MED13L: variants seen among roughly 807,000 people sequenced by gnomAD.
MED13L encodes mediator of RNA polymerase II transcription subunit 13-like.
In MED13L, 7 loss-of-function variants were observed where a neutral mutation model predicts 220.9. The observed-to-expected ratio is 0.03, with a 90% CI of 0.02 to 0.06. The LOEUF (loss-of-function observed/expected upper bound fraction) is 0.06, where lower values mean the gene tolerates loss of function less well. Among genes scored for constraint, MED13L ranks in the 10% least tolerant of loss-of-function variants. The probability of loss-of-function intolerance (pLI) is 1.00; values close to 1 mark genes in which losing one functional copy is unlikely to be tolerated. For missense variants in MED13L, 1,965 were observed against 2,760.5 expected, an observed-to-expected ratio of 0.71 and a Z score of 6.46; for synonymous variants, 1,011 against 1,015.2, an observed-to-expected ratio of 1.00 and a Z score of 0.08.
rs34084324 is a variant in MED13L at position 116,145,697 on chromosome 12, A to ATTTATTTGTTTGTTTG, written c.311-34186_311-34185insCAAACAAACAAATAAA. 1.6e-4 allele frequency among the ~76,000 whole-genome samples: 23 copies of ATTTATTTGTTTGTTTG among 146,868 alleles called. 1 individual carries two copies. The highest frequency in any genetic ancestry group is 5.1e-4 in the African/African-American group (20 of 39,030). On this transcript the variant is annotated intron_variant, in intron 2 of 30. Transcript: ENST00000281928. Reference sequence around the variant, plus strand: ...TATTTATTTATTTATTTATTTATTTATTTATTTTAAATTTTTGTAGAGTCT... The same window carrying ATTTATTTGTTTGTTTG: ...TATTTATTTATTTATTTATTTATTTATTTATTTGTTTGTTTGTTTATTTTAAATTTTTGTAGAGTCT...
At chr12:115,986,119 G>A (rs1222758902) in intron 19 of MED13L, 147 bp downstream of exon 19, 1 of 787,318 alleles carries the variant, frequency 1.3e-6, no homozygotes, top group African/African-American at 1.7e-5. Flanking sequence ...CAGAAAAATT[G>A]GCCAATTCAA....
intron 2 of MED13L, among the ~76,000 whole-genome samples, chr12:116,148,325 T>C (rs1017584318): frequency 2.6e-5 from 4 of 151,798 alleles, no homozygotes; most frequent in Non-Finnish European, 5.9e-5. Context: ...TTTGTGGAAC[T>C]ACACAAAGCC....
intron 4 of MED13L, among the ~76,000 whole-genome samples, chr12:116,086,595 A>T (rs1015158960): frequency 1.3e-5 from 2 of 152,102 alleles, no homozygotes; most frequent in African/African-American, 4.8e-5. Flanking sequence ...GATATTCTTT[A>T]ACCATAAATA....
rs983097491 is a variant in MED13L at position 116,082,696 on chromosome 12, A to G, written c.479+13973T>C. The G allele has an allele frequency of 4.6e-5, 7 of 152,290 alleles. No homozygotes were observed. The South Asian group carries it at 8.3e-4, about 18-fold the overall frequency. The allele number at this position is 152,290 out of a possible 1,614,324, so 9.4% of individuals were successfully genotyped here. ...ATTTTTAAAATTATAAAAAGAAAAAAAAAAGAACTCCATATTATATGTGAA... is the reference window on the plus strand; with the variant it reads ...ATTTTTAAAATTATAAAAAGAAAAAGAAAAGAACTCCATATTATATGTGAA... On this transcript the variant is annotated intron_variant, in intron 4 of 30. Transcript: ENST00000281928.
At chr12:116,025,981 T>A (rs1339872651) in intron 4 of MED13L, among the ~76,000 whole-genome samples, 2 of 152,102 alleles carry the variant, frequency 1.3e-5, no homozygotes, top group African/African-American at 4.8e-5. Flanking sequence ...ATATGTACAA[T>A]TATTATGTGT....
At chr12:116,019,199 C>A in intron 7 of MED13L, 25 bp downstream of exon 7, 1 of 1,607,108 alleles carries the variant, frequency 6.2e-7, no homozygotes, top group South Asian at 1.1e-5. Flanking sequence ...CTCTTCTCCC[C>A]AGGACACTCC....
chr12:115,963,197 T>A (rs1875890862), intron 30 of MED13L, among the ~76,000 whole-genome samples: 1 of 152,154 alleles, frequency 6.6e-6, no homozygotes, highest in Admixed American at 6.5e-5. Flanking sequence ...TATAAATGCC[T>A]ATCACTGCCT....
intron 2 of MED13L, among the ~76,000 whole-genome samples, chr12:116,197,837 A>G (rs1175817907): frequency 6.6e-6 from 1 of 152,152 alleles, no homozygotes; most frequent in Non-Finnish European, 1.5e-5. Flanking sequence ...GAAAATTAGA[A>G]AGCAACTCTT....
Position 116,247,412 on chromosome 12 carries a change from G to C in MED13L, c.73-9707C>G, listed in dbSNP as rs117303268. 3.5e-4 allele frequency among the ~76,000 whole-genome samples: 54 copies of C among 152,292 alleles called. 1 individual carries two copies. In the East Asian group the frequency reaches 9.4e-3, roughly 27 times the overall value. On this transcript the variant is annotated intron_variant, in intron 1 of 30. Transcript: ENST00000281928. ...AAAAGCCAAAAGGTTATTTAACCAT[G>C]TGTTAAAATAACGTGTTGTTGTTGA...
At chr12:116,104,027 T>TTTTTTTTTTTTG (rs1873333304) in intron 3 of MED13L, among the ~76,000 whole-genome samples, 3 of 114,420 alleles carry the variant, frequency 2.6e-5, no homozygotes, top group Non-Finnish European at 5.0e-5. Flanking sequence ...TTTTTTTTTT[T>TTTTTTTTTTTTG]GAGACGGAGT....
chr12:116,088,255 C>T (rs753786149), intron 4 of MED13L, among the ~76,000 whole-genome samples: 2 of 152,004 alleles, frequency 1.3e-5, no homozygotes, highest in Non-Finnish European at 2.9e-5. Context: ...TGGCAAAGAA[C>T]CAGAGGACTG....
chr12:116,200,016 G>A (rs1177753747), intron 2 of MED13L, among the ~76,000 whole-genome samples: 3 of 151,242 alleles, frequency 2.0e-5, no homozygotes, highest in Admixed American at 6.6e-5. Context: ...GGAAAAGTCC[G>A]GGCGCCATGG....
At position 115,958,783 on chromosome 12, in the gene MED13L, G is replaced by A. The variant is rs1436631571; in HGVS notation, c.*2483C>T. ...ATTTTTGTATTCTTTCAAATTGTTT[G>A]CTATATATAAAAGAAGCTCACTGCA... On this transcript the variant is annotated 3_prime_UTR_variant, in exon 31 of 31. Transcript: ENST00000281928. The A allele has an allele frequency of 6.6e-6, 1 of 152,178 alleles. No homozygotes were observed. The highest frequency in any genetic ancestry group is 1.5e-5 in the Non-Finnish European group (1 of 67,958). The allele number at this position is 152,178 out of a possible 1,614,324, so 9.4% of individuals were successfully genotyped here.
At chr12:116,148,076 A>AG (rs1555216256) in intron 2 of MED13L, among the ~76,000 whole-genome samples, 1 of 50,552 alleles carries the variant, frequency 2.0e-5, no homozygotes, top group African/African-American at 7.9e-5. Flanking sequence ...AAAAAAAAAG[A>AG]GGGGGGCGGG....
chr12:116,217,059 G>A (rs771541958), intron 2 of MED13L, among the ~76,000 whole-genome samples: 17 of 152,132 alleles, frequency 1.1e-4, no homozygotes, highest in Non-Finnish European at 2.2e-4. Context: ...GATAATTTGG[G>A]AAGTCTTTCC....
chr12:116,135,996 T>A (rs1876518998), intron 2 of MED13L, among the ~76,000 whole-genome samples: 2 of 151,544 alleles, frequency 1.3e-5, no homozygotes, highest in African/African-American at 4.8e-5. Flanking sequence ...CTCCGCCTCC[T>A]GGGTTCAAAC....
intron 28 of MED13L, among the ~76,000 whole-genome samples, chr12:115,967,165 T>C (rs11612318): frequency 0.17 from 17,719 of 106,672 alleles, 1,494 homozygotes; most frequent in Middle Eastern, 0.28. Flanking sequence ...AGTGAGACTC[T>C]GTCTCAAAAA....
At chr12:116,116,991 A>G (rs1385688367) in intron 2 of MED13L, among the ~76,000 whole-genome samples, 1 of 151,750 alleles carries the variant, frequency 6.6e-6, no homozygotes, top group African/African-American at 2.4e-5. Context: ...TCACAACACA[A>G]AACAAACTAC....
chr12:116,020,307 A>G (rs1347903843), intron 5 of MED13L, among the ~76,000 whole-genome samples: 1 of 77,170 alleles, frequency 1.3e-5, no homozygotes, highest in Non-Finnish European at 4.1e-5. Flanking sequence ...TAAACGAAAT[A>G]AAATATGGAT....
Sources: gnomAD v4.1 joint callset for allele counts (sites outside exome capture counted in the v4.1 genomes callset) on GRCh38, gnomAD v4.1.1 for gene constraint, MANE v1.5 for transcripts, NCBI Gene and HGNC (gene_info 2026-07-23, HGNC 2026-07-21) for gene names.